Variants in SORCS3 observed in about 807,000 individuals in gnomAD.
The protein encoded by SORCS3 is sortilin related VPS10 domain containing receptor 3, also known as VPS10 domain-containing receptor SorCS3.
In SORCS3, 57 loss-of-function variants were observed where a neutral mutation model predicts 146.3. The ratio of observed to expected loss-of-function variants is 0.39; its 90% CI spans 0.31 to 0.49. The LOEUF (loss-of-function observed/expected upper bound fraction) is 0.49, where lower values mean the gene tolerates loss of function less well. Ranked by LOEUF, SORCS3 falls within the 20% of genes least tolerant of loss-of-function variation. The probability of loss-of-function intolerance (pLI) is 0.92; values close to 1 mark genes in which losing one functional copy is unlikely to be tolerated. For missense variants in SORCS3, 1,341 were observed against 1,575.5 expected, an observed-to-expected ratio of 0.85 and a Z score of 2.52; for synonymous variants, 653 against 618.5, an observed-to-expected ratio of 1.06 and a Z score of -0.83.
At chr10:104,765,374 G>A (rs574841199) in intron 1 of SORCS3, among the ~76,000 whole-genome samples, 4 of 152,322 alleles carry the variant, frequency 2.6e-5, no homozygotes, top group East Asian at 1.9e-4. Context: ...CTGTATGGTC[G>A]TGGAGCTAGT....
intron 2 of SORCS3, among the ~76,000 whole-genome samples, chr10:104,907,355 A>G (rs1233427393): frequency 6.6e-6 from 1 of 152,174 alleles, no homozygotes; most frequent in African/African-American, 2.4e-5. Context: ...TTGGCATTTT[A>G]AAACCTAAAT....
intron 19 of SORCS3, among the ~76,000 whole-genome samples, chr10:105,221,650 T>G (rs1260175059): frequency 6.6e-6 from 1 of 152,110 alleles, no homozygotes; most frequent in Non-Finnish European, 1.5e-5. Context: ...AACTGACTTG[T>G]CTCCAGAATT....
At chr10:105,218,203 C>T (rs775539085) in intron 19 of SORCS3, among the ~76,000 whole-genome samples, 2 of 152,152 alleles carry the variant, frequency 1.3e-5, no homozygotes, top group Non-Finnish European at 2.9e-5. Context: ...GATTATGTAG[C>T]TCAGTCATGT....
chr10:105,153,643 G>A (rs61869372), intron 9 of SORCS3, among the ~76,000 whole-genome samples: 4 of 91,356 alleles, frequency 4.4e-5, no homozygotes, highest in Non-Finnish European at 4.8e-5. Flanking sequence ...GAGTGTGTGT[G>A]TATGTGTGTG....
At chr10:105,128,795 G>A (rs972138158) in intron 7 of SORCS3, among the ~76,000 whole-genome samples, 1 of 152,114 alleles carries the variant, frequency 6.6e-6, no homozygotes, top group Non-Finnish European at 1.5e-5. Context: ...GTGTTCCTGG[G>A]AACATACCAT....
intron 4 of SORCS3, among the ~76,000 whole-genome samples, chr10:104,991,317 G>A (rs943737587): frequency 6.6e-6 from 1 of 152,096 alleles, no homozygotes; most frequent in Non-Finnish European, 1.5e-5. Context: ...ATGGCCTCAT[G>A]GTTCTGGAGG....
intron 4 of SORCS3, among the ~76,000 whole-genome samples, chr10:104,990,720 A>G (rs1308590199): frequency 1.3e-5 from 2 of 152,158 alleles, no homozygotes; most frequent in African/African-American, 4.8e-5. Flanking sequence ...TTTAAGAGGG[A>G]GGCAGGAGAA....
At chr10:105,014,871 G>A (rs1156476499) in intron 4 of SORCS3, among the ~76,000 whole-genome samples, 1 of 152,164 alleles carries the variant, frequency 6.6e-6, no homozygotes, top group Non-Finnish European at 1.5e-5. Flanking sequence ...CATCAAATGG[G>A]CCCTCACTAG....
At chr10:105,198,922 T>G (rs1198575438) in intron 14 of SORCS3, among the ~76,000 whole-genome samples, 2 of 152,218 alleles carry the variant, frequency 1.3e-5, no homozygotes, top group Admixed American at 6.5e-5. Context: ...CTTCCTCATT[T>G]CACAAGTTTT....
intron 4 of SORCS3, among the ~76,000 whole-genome samples, chr10:104,985,675 T>G (rs1287683374): frequency 6.6e-6 from 1 of 152,162 alleles, no homozygotes; most frequent in East Asian, 1.9e-4. Flanking sequence ...AAGTTGAAAT[T>G]TCTATTTGAT....
At chr10:104,823,651 A>T (rs1448030556) in intron 1 of SORCS3, among the ~76,000 whole-genome samples, 2 of 152,214 alleles carry the variant, frequency 1.3e-5, no homozygotes. Context: ...ATTCAAGCTC[A>T]TTAGACATCT....
At chr10:105,064,858 C>A (rs1223495286) in intron 5 of SORCS3, among the ~76,000 whole-genome samples, 1 of 152,180 alleles carries the variant, frequency 6.6e-6, no homozygotes, top group Admixed American at 6.5e-5. Context: ...GGCTCACACG[C>A]CAATCTCCTT....
intron 5 of SORCS3, among the ~76,000 whole-genome samples, chr10:105,051,856 A>C (rs997693979): frequency 2.6e-5 from 4 of 152,154 alleles, no homozygotes; most frequent in Non-Finnish European, 5.9e-5. Context: ...AATACATTAC[A>C]TTTAAAATAA....
intron 7 of SORCS3, among the ~76,000 whole-genome samples, chr10:105,117,780 G>T (rs1414895759): frequency 6.6e-6 from 1 of 152,150 alleles, no homozygotes; most frequent in African/African-American, 2.4e-5. Context: ...CATTGAAATT[G>T]CTTTTGCCAA....
intron 3 of SORCS3, among the ~76,000 whole-genome samples, chr10:104,932,047 G>T (rs2019213757): frequency 6.6e-6 from 1 of 152,196 alleles, no homozygotes; most frequent in Non-Finnish European, 1.5e-5. Flanking sequence ...AACTCAGCTT[G>T]AAATAATGAA....
At position 105,043,093 on chromosome 10, in the gene SORCS3, C is replaced by T. The variant is rs772806814; in HGVS notation, c.993C>T (p.Leu331=). The change falls in exon 5 of 27, where the codon CTC becomes CTT. Residue 331 remains leucine (L), a synonymous_variant. Coordinates refer to ENST00000369701, the MANE Select transcript of SORCS3 (RefSeq NM_014978.3). ...TGGACTTTGGAAGACGGTGGCAACT[C>T]ATGCATGAACGCATCACACCCAACA... is the stretch of plus-strand genomic sequence containing the variant. ...SSMDFGRRWQ[L]MHERITPNRF... is the part of the protein sequence containing the mutation. 3.1e-6 allele frequency: 5 copies of T among 1,613,858 alleles called. No homozygotes were observed. In the South Asian group the frequency reaches 3.3e-5, roughly 11 times the overall value.
chr10:104,681,650 T>C (rs1230822075), intron 1 of SORCS3, among the ~76,000 whole-genome samples: 1 of 152,142 alleles, frequency 6.6e-6, no homozygotes, highest in African/African-American at 2.4e-5. Context: ...AGCCAGAGTC[T>C]TTCCCATGGC....
chr10:104,676,956 T>G (rs910073691), intron 1 of SORCS3, among the ~76,000 whole-genome samples: 3 of 152,208 alleles, frequency 2.0e-5, no homozygotes, highest in African/African-American at 7.2e-5. Flanking sequence ...TAATTCAGCT[T>G]TTGAGATACC....
At chr10:104,845,936 C>T (rs185301109) in intron 2 of SORCS3, among the ~76,000 whole-genome samples, 43 of 152,060 alleles carry the variant, frequency 2.8e-4, no homozygotes, top group African/African-American at 6.5e-4. Context: ...GGACCAGGTC[C>T]GGAGGGTGTG....
Sources: allele counts gnomAD v4.1 joint callset (sites outside exome capture counted in the v4.1 genomes callset), GRCh38; gene constraint gnomAD v4.1.1; transcripts MANE v1.5; gene names NCBI Gene and HGNC (gene_info 2026-07-23, HGNC 2026-07-21).